Variants in EEF1AKMT3 observed in about 807,000 individuals in gnomAD.
EEF1AKMT3 encodes the protein eEF1A-KMT3.
In EEF1AKMT3, 17 loss-of-function variants were observed where a neutral mutation model predicts 17.8. The ratio of observed to expected loss-of-function variants is 0.96; its 90% CI spans 0.65 to 1.43. EEF1AKMT3 has a LOEUF of 1.43. Ranked by LOEUF, EEF1AKMT3 falls within the 40% of genes most tolerant of loss-of-function variation. The pLI is 0.00. For missense variants in EEF1AKMT3, 244 were observed against 285.8 expected, an observed-to-expected ratio of 0.85 and a Z score of 1.06; for synonymous variants, 116 against 126.5, an observed-to-expected ratio of 0.92 and a Z score of 0.56.
At chr12:57,774,692 T>C in intron 2 of EEF1AKMT3, 1 of 1,613,158 alleles carries the variant, frequency 6.2e-7, no homozygotes, top group East Asian at 2.2e-5. Context: ...TGGCGAGGTA[T>C]GCGTGGAGCC....
At chr12:57,779,719 A>G (rs1955500736) in intron 2 of EEF1AKMT3, among the ~76,000 whole-genome samples, 1 of 152,166 alleles carries the variant, frequency 6.6e-6, no homozygotes, top group African/African-American at 2.4e-5. Context: ...TCTTCTTAGC[A>G]TGTCATAATC....
chr12:57,779,581 T>C (rs182029169), intron 2 of EEF1AKMT3, among the ~76,000 whole-genome samples: 1 of 152,298 alleles, frequency 6.6e-6, no homozygotes, highest in East Asian at 1.9e-4. Flanking sequence ...GCTCACCTTA[T>C]ATACCCAGCA....
chr12:57,774,429 G>C (rs1026193809), intron 2 of EEF1AKMT3, among the ~76,000 whole-genome samples: 8 of 152,124 alleles, frequency 5.3e-5, no homozygotes, highest in Non-Finnish European at 1.2e-4. Flanking sequence ...GCAGTGAACT[G>C]AGATCGCACC....
At position 57,778,293 on chromosome 12, in the gene EEF1AKMT3, C is replaced by CTTTTTTTTTTTTTTTTTTTTTTTTT. The variant is rs56919999; in HGVS notation, c.290-1947_290-1946insTTTTTTTTTTTTTTTTTTTTTTTTT. On this transcript the variant is annotated intron_variant, in intron 2 of 2. Coordinates refer to ENST00000300209, the MANE Select transcript of EEF1AKMT3 (RefSeq NM_015433.3). Reference sequence around the variant, plus strand: ...CCAAACACCCAGAAACCATCCTGAGCTTTTTTTTTTTTTTTGAGACAGGTT... The same window carrying CTTTTTTTTTTTTTTTTTTTTTTTTT: ...CCAAACACCCAGAAACCATCCTGAGCTTTTTTTTTTTTTTTTTTTTTTTTTTTTTTTTTTTTTTTTGAGACAGGTT... 1.4e-4 allele frequency among the ~76,000 whole-genome samples: 6 copies of CTTTTTTTTTTTTTTTTTTTTTTTTT among 43,996 alleles called. 3 individuals are homozygous for CTTTTTTTTTTTTTTTTTTTTTTTTT. The highest frequency in any genetic ancestry group is 2.3e-4 in the Non-Finnish European group (6 of 25,678). 28.9% of individuals were successfully genotyped at this position (43,996 alleles called of 152,430 possible).
chr12:57,779,556 CTG>C (rs1432267931), intron 2 of EEF1AKMT3, among the ~76,000 whole-genome samples: 13 of 152,218 alleles, frequency 8.5e-5, no homozygotes, highest in South Asian at 6.2e-4. Flanking sequence ...ACAAAGAAAG[CTG>C]TGTTTTTGTC....
chr12:57,777,015 A>G (rs1227530439), intron 2 of EEF1AKMT3, among the ~76,000 whole-genome samples: 1 of 152,092 alleles, frequency 6.6e-6, no homozygotes, highest in Non-Finnish European at 1.5e-5. Context: ...TTATCACAAC[A>G]TCTACTTATG....
intron 2 of EEF1AKMT3, among the ~76,000 whole-genome samples, chr12:57,775,049 G>A (rs925477247): frequency 4.3e-5 from 6 of 138,750 alleles, no homozygotes; most frequent in African/African-American, 1.3e-4. Flanking sequence ...AGGTTGCAGT[G>A]AGCCAAGATT....
intron 2 of EEF1AKMT3, among the ~76,000 whole-genome samples, chr12:57,777,912 G>T (rs1432745731): frequency 1.3e-5 from 2 of 151,860 alleles, no homozygotes; most frequent in African/African-American, 4.8e-5. Flanking sequence ...CCAGCTACTT[G>T]CGAGGCTGAG....
intron 2 of EEF1AKMT3, among the ~76,000 whole-genome samples, chr12:57,773,530 C>T (rs1318771574): frequency 1.3e-5 from 2 of 152,112 alleles, no homozygotes; most frequent in Non-Finnish European, 2.9e-5. Context: ...CGGGTTCAAG[C>T]AATTCTCATG....
At chr12:57,773,301 C>G (rs1232425525) in intron 2 of EEF1AKMT3, among the ~76,000 whole-genome samples, 173 bp downstream of exon 2, 1 of 151,928 alleles carries the variant, frequency 6.6e-6, no homozygotes, top group Non-Finnish European at 1.5e-5. Context: ...TCTGCTTCTG[C>G]GTGCCAGACA....
Position 57,772,849 on chromosome 12 carries a change from T to A in EEF1AKMT3, c.125T>A (p.Ile42Asn). Residue 42 changes from isoleucine to asparagine, a missense_variant, in exon 1 of 3, where the codon ATC becomes AAC. Ile to Asn is a moderately radical substitution (Grantham distance 149, BLOSUM62 -3). Transcript: ENST00000300209. The surrounding 1 kb of genome is among the most constrained non-coding windows in gnomAD (Gnocchi z 4.1). ...QFCFCGHVLT[I>N]TQNFGSRLGV... is the part of the protein sequence containing the mutation. The stretch of plus-strand genomic sequence containing the variant: ...TGTTTCTGTGGGCATGTGCTGACCA[T>A]CACGCAGAACTTTGGGTCCCGCCTC... 3 of 1,614,164 alleles carry A rather than the reference T, an allele frequency of 1.9e-6. No homozygotes were observed. Among genetic ancestry groups the A allele is most frequent in the Non-Finnish European group, 2.5e-6 (3 of 1,180,000 alleles).
At chr12:57,774,918 C>A in intron 2 of EEF1AKMT3, 1 of 605,334 alleles carries the variant, frequency 1.7e-6, no homozygotes, top group Non-Finnish European at 2.8e-6. Flanking sequence ...CCAGCCTGAC[C>A]AACATGGAGA....
chr12:57,781,618 G>A lies in EEF1AKMT3; in HGVS notation c.*972G>A, dbSNP rs1955516267. ...CCTTGATCACGGAACATCATTGTGT[G>A]CAGAAGAATACTGTACCTAGTACTA... is the stretch of plus-strand genomic sequence containing the variant. On this transcript the variant is annotated 3_prime_UTR_variant, in exon 3 of 3. Coordinates refer to ENST00000300209, the MANE Select transcript of EEF1AKMT3 (RefSeq NM_015433.3). 6.6e-6 allele frequency: 1 copy of A among 152,202 alleles called. No individual in the cohort carries two copies. Among genetic ancestry groups the A allele is most frequent in the South Asian group, 2.1e-4 (1 of 4,816 alleles). 9.4% of individuals were successfully genotyped at this position (152,202 alleles called of 1,614,324 possible). A position where few individuals can be genotyped will look rare whatever the true frequency, so the allele number is the denominator to read the frequency against.
chr12:57,779,074 C>T (rs890661886), intron 2 of EEF1AKMT3, among the ~76,000 whole-genome samples: 5 of 152,176 alleles, frequency 3.3e-5, no homozygotes, highest in African/African-American at 1.2e-4. Flanking sequence ...TTTGGTCAGG[C>T]TGGTCTGACC....
Position 57,780,941 on chromosome 12 carries a change from A to G in EEF1AKMT3, c.*295A>G. 2.1e-6 allele frequency: 1 copy of G among 471,696 alleles called. No homozygotes were observed. The highest frequency in any genetic ancestry group is 3.8e-6 in the Non-Finnish European group (1 of 262,938). 29.2% of individuals were successfully genotyped at this position (471,696 alleles called of 1,614,324 possible). A position where few individuals can be genotyped will look rare whatever the true frequency, so the allele number is the denominator to read the frequency against. On this transcript the variant is annotated 3_prime_UTR_variant, in exon 3 of 3. Transcript: ENST00000300209. ...AAGGTATCCAGGATTTTTAGGGGGT[A>G]AGGGAGATATATGGGATGTGAGAGC...
chr12:57,774,648 G>A (rs1350258521), intron 2 of EEF1AKMT3: 1 of 1,530,514 alleles, frequency 6.5e-7, no homozygotes. Context: ...GTCTAGTGAG[G>A]GAGACAGAGG....
rs540677177 is a variant in EEF1AKMT3 at position 57,773,610 on chromosome 12, T to C, written c.289+482T>C. On this transcript the variant is annotated intron_variant, in intron 2 of 2. Transcript: ENST00000300209. ...ACCCGGCTACTTTTTGTATTTTTAG[T>C]AGAAGACGTTTCACCATGTTGGCCA... Among the ~76,000 whole-genome samples the C allele has an allele frequency of 1.4e-3, 219 of 152,202 alleles. 1 individual carries two copies. Among genetic ancestry groups the C allele is most frequent in the African/African-American group, 5.0e-3 (207 of 41,522 alleles).
chr12:57,781,241 G>A lies in EEF1AKMT3; in HGVS notation c.*595G>A, dbSNP rs1017356771. On this transcript the variant is annotated 3_prime_UTR_variant, in exon 3 of 3. Coordinates refer to ENST00000300209, the MANE Select transcript of EEF1AKMT3 (RefSeq NM_015433.3). ...CACCCGGCTAATTTTTGTATTTTCA[G>A]TAGAGACAGGGTTTCGCCATGTTGC... 2 of 152,888 alleles carry A rather than the reference G, an allele frequency of 1.3e-5. No homozygotes were observed. Among genetic ancestry groups the A allele is most frequent in the African/African-American group, 4.8e-5 (2 of 41,378 alleles). The allele number at this position is 152,888 out of a possible 1,614,324, so 9.5% of individuals were successfully genotyped here.
At chr12:57,776,432 C>T (rs1045988209) in intron 2 of EEF1AKMT3, among the ~76,000 whole-genome samples, 8 of 152,228 alleles carry the variant, frequency 5.3e-5, no homozygotes, top group South Asian at 2.1e-4. Context: ...CCAGTACATA[C>T]ACAACTGTGC....
Sources: allele counts gnomAD v4.1 joint callset (sites outside exome capture counted in the v4.1 genomes callset), GRCh38; gene constraint gnomAD v4.1.1; non-coding constraint Gnocchi (gnomAD v3.1); transcripts MANE v1.5; gene names NCBI Gene and HGNC (gene_info 2026-07-23, HGNC 2026-07-21).